The following CCER1 variants were observed in gnomAD, a reference collection of about 807,000 sequenced individuals.
CCER1 encodes the protein coiled-coil domain-containing glutamate-rich protein 1.
For missense variants in CCER1, 573 were observed against 524.5 expected (o/e 1.09, Z -0.90); for synonymous variants, 246 against 213.8 (o/e 1.15, Z -1.31).
rs115959043 is a variant in CCER1 at position 90,953,949 on chromosome 12, G to A, written c.794C>T (p.Pro265Leu). ...CGGGGCAAGAGACTGGTTTTCCTCT[G>A]GGTTGGGACTGAATGCTAGAGAGGG... ...QNPSLAFSPN[P>L]EENQSLAPLL... The change falls in exon 1 of 1, where the codon CCA becomes CTA. Residue 265 changes from proline to leucine, a missense_variant. Physicochemically the swap from Pro to Leu is moderately conservative, Grantham distance 98 (BLOSUM62 -3). Transcript: ENST00000358859. 3.5e-5 allele frequency: 57 copies of A among 1,614,190 alleles called. 1 individual carries two copies. The African/African-American group carries it at 7.5e-4, about 21-fold the overall frequency.
rs1876547000 is a variant in CCER1 at position 90,953,786 on chromosome 12, TTCC to T, written c.954_956del (p.Glu321del). On this transcript the variant is annotated inframe_deletion, in exon 1 of 1. Coordinates refer to ENST00000358859, the MANE Select transcript of CCER1 (RefSeq NM_152638.4). ...CATATTCAGCCTCTTCGACCTCTTC[TTCC>T]TCCTCATCTTCGACCTCTTCCTCCT... The T allele has an allele frequency of 6.7e-7, 1 of 1,499,218 alleles. No individual in the cohort carries two copies. The highest frequency in any genetic ancestry group is 9.2e-7 in the Non-Finnish European group (1 of 1,084,312). 92.9% of individuals were successfully genotyped at this position (1,499,218 alleles called of 1,614,324 possible). A position where few individuals can be genotyped will look rare whatever the true frequency, so the allele number is the denominator to read the frequency against.
Position 90,955,074 on chromosome 12 carries a change from C to G in CCER1, c.-332G>C, listed in dbSNP as rs1172320362. The stretch of plus-strand genomic sequence containing the variant: ...TCCCGGGTCCCCACCACACCCGGCT[C>G]TGCTGAGGCACGGGCTGGGGCCGGG... On this transcript the variant is annotated 5_prime_UTR_variant, in exon 1 of 1. Coordinates refer to ENST00000358859, the MANE Select transcript of CCER1 (RefSeq NM_152638.4). 2.9e-5 allele frequency: 12 copies of G among 408,392 alleles called. No homozygotes were observed. The highest frequency in any genetic ancestry group is 5.5e-5 in the Non-Finnish European group (12 of 218,676). The allele number at this position is 408,392 out of a possible 1,614,324, so 25.3% of individuals were successfully genotyped here. A position where few individuals can be genotyped will look rare whatever the true frequency, so the allele number is the denominator to read the frequency against.
rs772759314 is a variant in CCER1 at position 90,954,466 on chromosome 12, G to T, written c.277C>A (p.Arg93Ser). Residue 93 changes from arginine to serine, a missense_variant, in exon 1 of 1, where the codon CGC becomes AGC. Arg to Ser is a moderately radical substitution (Grantham distance 110, BLOSUM62 -1). Coordinates refer to ENST00000358859, the MANE Select transcript of CCER1 (RefSeq NM_152638.4). ...SNWGCWGGPW[R>S]PPPPGFWKFP... ...TTCCAGAATCCTGGAGGGGGTGGGC[G>T]CCAGGGCCCTCCCCAGCACCCCCAG... is the stretch of plus-strand genomic sequence containing the variant. The T allele has an allele frequency of 8.1e-6, 13 of 1,609,298 alleles. No homozygotes were observed. Among genetic ancestry groups the T allele is most frequent in the Non-Finnish European group, 8.5e-6 (10 of 1,176,836 alleles).
rs766730972 is a variant in CCER1, at chr12:90,954,150, T to A, written c.593A>T (p.Tyr198Phe). 6.2e-7 allele frequency: 1 copy of A among 1,611,462 alleles called. No homozygotes were observed. Among genetic ancestry groups the A allele is most frequent in the Non-Finnish European group, 8.5e-7 (1 of 1,179,946 alleles). Residue 198 changes from tyrosine to phenylalanine, a missense_variant, in exon 1 of 1, where the codon TAC (tyrosine) becomes TTC (phenylalanine). By Grantham distance (22) the Tyr-to-Phe change is conservative. Transcript: ENST00000358859. Reference sequence around the variant, plus strand: ...CTTCTCCTGCTGCCTCATGTCCTCGTAGATCTGGTTCATGATGAATTGGGT... The same window carrying A: ...CTTCTCCTGCTGCCTCATGTCCTCGAAGATCTGGTTCATGATGAATTGGGT... ...NTTQFIMNQI[Y>F]EDMRQQEKVE...
Position 90,954,901 on chromosome 12 carries a change from G to A in CCER1, c.-159C>T. The A allele has an allele frequency of 7.3e-7, 1 of 1,367,082 alleles. No individual in the cohort carries two copies. The highest frequency in any genetic ancestry group is 9.8e-7 in the Non-Finnish European group (1 of 1,024,926). 84.7% of individuals were successfully genotyped at this position (1,367,082 alleles called of 1,614,324 possible). On this transcript the variant is annotated 5_prime_UTR_variant, in exon 1 of 1. Coordinates refer to ENST00000358859, the MANE Select transcript of CCER1 (RefSeq NM_152638.4). The stretch of plus-strand genomic sequence containing the variant: ...ATCACGTTTTCCTCTCCAGGAGGCT[G>A]CTCTCTTCCTGGTTTGCACGCTCTT...
rs553531489 is a variant in CCER1 at position 90,955,110 on chromosome 12, G to T, written c.-368C>A. 1.1e-3 allele frequency: 365 copies of T among 324,028 alleles called. No homozygotes were observed. The highest frequency in any genetic ancestry group is 1.7e-3 in the Non-Finnish European group (286 of 166,368). 20.1% of individuals were successfully genotyped at this position (324,028 alleles called of 1,614,324 possible). Reference sequence around the variant, plus strand: ...CGGGCTGGGGCCGGGGGAGGCAGGGGTTGCGCAGTTACCTGCTGCTCCCTC... The same window carrying T: ...CGGGCTGGGGCCGGGGGAGGCAGGGTTTGCGCAGTTACCTGCTGCTCCCTC... On this transcript the variant is annotated 5_prime_UTR_variant, in exon 1 of 1. Transcript: ENST00000358859.
Position 90,953,421 on chromosome 12 carries a change from TTTA to T in CCER1, c.*98_*100del, listed in dbSNP as rs1876531019. Reference sequence around the variant, plus strand: ...CAAAGAAGGTGTTTACATAGATCTGTTTATTAATGGAACTCACTTTTTAATCAG... The same window carrying T: ...CAAAGAAGGTGTTTACATAGATCTGTTTAATGGAACTCACTTTTTAATCAG... On this transcript the variant is annotated 3_prime_UTR_variant, in exon 1 of 1. Coordinates refer to ENST00000358859, the MANE Select transcript of CCER1 (RefSeq NM_152638.4). 1 of 1,378,504 alleles carries T rather than the reference TTTA, an allele frequency of 7.3e-7. No homozygotes were observed. Among genetic ancestry groups the T allele is most frequent in the South Asian group, 1.5e-5 (1 of 66,598 alleles). 85.4% of individuals were successfully genotyped at this position (1,378,504 alleles called of 1,614,324 possible). A position where few individuals can be genotyped will look rare whatever the true frequency, so the allele number is the denominator to read the frequency against.
In CCER1 at chr12:90,954,433, A is replaced by C; in HGVS notation, c.310T>G (p.Cys104Gly). ...PPPPGFWKFP[C>G]PVQVFRVYGL... The stretch of plus-strand genomic sequence containing the variant: ...TACACCCGAAACACTTGCACCGGGC[A>C]GGGGAATTTCCAGAATCCTGGAGGG... Residue 104 changes from cysteine to glycine, a missense_variant, in exon 1 of 1, where the codon TGC becomes GGC. By Grantham distance (159) the Cys-to-Gly change is radical. Coordinates refer to ENST00000358859, the MANE Select transcript of CCER1 (RefSeq NM_152638.4). The C allele has an allele frequency of 6.2e-7, 1 of 1,611,520 alleles. No homozygotes were observed. Among genetic ancestry groups the C allele is most frequent in the Non-Finnish European group, 8.5e-7 (1 of 1,178,786 alleles).
In CCER1 at chr12:90,954,112, G is replaced by T; in HGVS notation, c.631C>A (p.Gln211Lys). The change falls in exon 1 of 1, where the codon CAG becomes AAG. Residue 211 changes from glutamine (Q) to lysine (K), a missense_variant. Gln to Lys is a moderately conservative substitution (Grantham distance 53, BLOSUM62 1). Transcript: ENST00000358859. ...MRQQEKVERQ[Q>K]EALRAQKATV... is the part of the protein sequence containing the mutation. ...GCCTTCTGCGCCCGCAGCGCCTCCT[G>T]CTGACGCTCCACCTTCTCCTGCTGC... is the stretch of plus-strand genomic sequence containing the variant. 1 of 1,612,726 alleles carries T rather than the reference G, an allele frequency of 6.2e-7. No homozygotes were observed.
rs780872562 is a variant in CCER1 at position 90,952,281 on chromosome 12, A to G, written c.*1241T>C. On this transcript the variant is annotated 3_prime_UTR_variant, in exon 1 of 1. Transcript: ENST00000358859. ...CCTTGAAAATTGTAATATATCAGTA[A>G]CAACCAACATTCAGGTAAGACATCA... is the stretch of plus-strand genomic sequence containing the variant. The G allele has an allele frequency of 6.6e-6, 1 of 152,658 alleles. No homozygotes were observed. Among genetic ancestry groups the G allele is most frequent in the Non-Finnish European group, 1.5e-5 (1 of 68,028 alleles). The allele number at this position is 152,658 out of a possible 1,614,324, so 9.5% of individuals were successfully genotyped here. A position where few individuals can be genotyped will look rare whatever the true frequency, so the allele number is the denominator to read the frequency against.
Position 90,954,352 on chromosome 12 carries a change from G to C in CCER1, c.391C>G (p.Pro131Ala), listed in dbSNP as rs1876579830. 1 of 1,609,360 alleles carries C rather than the reference G, an allele frequency of 6.2e-7. No homozygotes were observed. Among genetic ancestry groups the C allele is most frequent in the South Asian group, 1.1e-5 (1 of 91,066 alleles). Residue 131 changes from proline (P) to alanine (A), a missense_variant, in exon 1 of 1, where the codon CCT becomes GCT. Physicochemically the swap from Pro to Ala is conservative, Grantham distance 27. Coordinates refer to ENST00000358859, the MANE Select transcript of CCER1 (RefSeq NM_152638.4). ...CTGCCTGGGGGCTTCACCCAGCCAG[G>C]GTTCCAGGACCCGCTCCAGCAGGAG... ...CCSCWSGSWN[P>A]GWVKPPGRKK...
Position 90,954,615 on chromosome 12 carries a change from G to T in CCER1, c.128C>A (p.Pro43Gln), listed in dbSNP as rs537131134. The change falls in exon 1 of 1, where the codon CCG (proline) becomes CAG (glutamine). Residue 43 changes from proline to glutamine, a missense_variant. Physicochemically the swap from Pro to Gln is moderately conservative, Grantham distance 76 (BLOSUM62 -1). Transcript: ENST00000358859. ...SSWSSCHRRRPGAPAYNRPHR... is the reference protein window; with the variant it reads ...SSWSSCHRRRQGAPAYNRPHR... ...CGGTCTATTGTACGCTGGAGCACCC[G>T]GGCGCCTTCGATGGCAGGACGACCA... The T allele has an allele frequency of 3.2e-5, 51 of 1,613,378 alleles. No individual in the cohort carries two copies. The East Asian group carries it at 1.0e-3, about 32-fold the overall frequency.
rs1423644977 is a variant in CCER1 at position 90,952,282 on chromosome 12, C to T, written c.*1240G>A. On this transcript the variant is annotated 3_prime_UTR_variant, in exon 1 of 1. Transcript: ENST00000358859. Reference sequence around the variant, plus strand: ...CTTGAAAATTGTAATATATCAGTAACAACCAACATTCAGGTAAGACATCAC... The same window carrying T: ...CTTGAAAATTGTAATATATCAGTAATAACCAACATTCAGGTAAGACATCAC... 1 of 152,578 alleles carries T rather than the reference C, an allele frequency of 6.6e-6. No individual in the cohort carries two copies. Among genetic ancestry groups the T allele is most frequent in the Non-Finnish European group, 1.5e-5 (1 of 68,020 alleles). The allele number at this position is 152,578 out of a possible 1,614,324, so 9.5% of individuals were successfully genotyped here. A position where few individuals can be genotyped will look rare whatever the true frequency, so the allele number is the denominator to read the frequency against.
chr12:90,952,736 C>T lies in CCER1; in HGVS notation c.*786G>A, dbSNP rs12296916. The T allele has an allele frequency of 3.9e-5, 6 of 152,410 alleles. No individual in the cohort carries two copies. The highest frequency in any genetic ancestry group is 7.3e-5 in the African/African-American group (3 of 41,376). 9.4% of individuals were successfully genotyped at this position (152,410 alleles called of 1,614,324 possible). On this transcript the variant is annotated 3_prime_UTR_variant, in exon 1 of 1. Transcript: ENST00000358859. ...TTAGGATAAAGACTATATCCAATAA[C>T]GAGGCTTCAAAACCTAAGCCATGTT...
At position 90,953,743 on chromosome 12, in the gene CCER1, C is replaced by T. The variant is rs1419767233; in HGVS notation, c.1000G>A (p.Glu334Lys). The part of the protein sequence containing the change: ...EAEYVEEGEE[E>K]LEEEELEEEE... ...TCTTCCAGCTCCTCCTCTTCCAGCT[C>T]CTCCTCTCCCTCCTCCACATATTCA... The change falls in exon 1 of 1, where the codon GAG becomes AAG. Residue 334 changes from glutamate (E) to lysine (K), a missense_variant. Glu to Lys is a moderately conservative substitution (Grantham distance 56, BLOSUM62 1). Coordinates refer to ENST00000358859, the MANE Select transcript of CCER1 (RefSeq NM_152638.4). 5 of 1,572,404 alleles carry T rather than the reference C, an allele frequency of 3.2e-6. No individual in the cohort carries two copies. The South Asian group carries it at 5.5e-5, about 17-fold the overall frequency.
In CCER1 at chr12:90,954,776, C is replaced by G; in HGVS notation, c.-34G>C. 2 of 1,512,854 alleles carry G rather than the reference C, an allele frequency of 1.3e-6. No individual in the cohort carries two copies. Among genetic ancestry groups the G allele is most frequent in the Non-Finnish European group, 1.8e-6 (2 of 1,127,180 alleles). 93.7% of individuals were successfully genotyped at this position (1,512,854 alleles called of 1,614,324 possible). A position where few individuals can be genotyped will look rare whatever the true frequency, so the allele number is the denominator to read the frequency against. On this transcript the variant is annotated 5_prime_UTR_variant, in exon 1 of 1. Transcript: ENST00000358859. Reference sequence around the variant, plus strand: ...GAGCTCCGAGAGGTCCAGATGGTAGCGACCTGAAGCTGTCGTCAAGTTTTG... The same window carrying G: ...GAGCTCCGAGAGGTCCAGATGGTAGGGACCTGAAGCTGTCGTCAAGTTTTG...
chr12:90,953,464 C>T lies in CCER1; in HGVS notation c.*58G>A. 1 of 1,525,804 alleles carries T rather than the reference C, an allele frequency of 6.6e-7. No individual in the cohort carries two copies. The highest frequency in any genetic ancestry group is 8.8e-7 in the Non-Finnish European group (1 of 1,141,098). 94.5% of individuals were successfully genotyped at this position (1,525,804 alleles called of 1,614,324 possible). On this transcript the variant is annotated 3_prime_UTR_variant, in exon 1 of 1. Transcript: ENST00000358859. ...TTTTTAATCAGTTTTTAATAAATTG[C>T]TAATCCAGTTTAGCCTCAAATCAGT...
Position 90,954,695 on chromosome 12 carries a change from G to C in CCER1, c.48C>G (p.Gly16=), listed in dbSNP as rs1352335266. 6.4e-7 allele frequency: 1 copy of C among 1,572,038 alleles called. No individual in the cohort carries two copies. The highest frequency in any genetic ancestry group is 8.6e-7 in the Non-Finnish European group (1 of 1,159,212). Reference sequence around the variant, plus strand: ...CACAGCCACAGCCGCCGCCGCCACCGCCGCCCAGGTTCAGAGGGTCTTCCC... The same window carrying C: ...CACAGCCACAGCCGCCGCCGCCACCCCCGCCCAGGTTCAGAGGGTCTTCCC... The part of the protein sequence containing the change: ...DTREDPLNLG[G]GGGGGCGCGW... Residue 16 remains glycine, a synonymous_variant, in exon 1 of 1, where the codon GGC becomes GGG. Transcript: ENST00000358859.
chr12:90,954,533 C>T lies in CCER1; in HGVS notation c.210G>A (p.Gln70=), dbSNP rs138371183. The change falls in exon 1 of 1, where the codon CAG becomes CAA. Residue 70 remains glutamine (Q), a synonymous_variant. Transcript: ENST00000358859. ...GTTGGAACCAAAAGCCCGGGCCGTG[C>T]TGTTGCTTCGGCTGCTTCCTTGGGG... ...YGPPRKQPKQ[Q]HGPGFWFQPP... is the part of the protein sequence containing the mutation. The T allele has an allele frequency of 3.2e-3, 5,111 of 1,613,236 alleles. 13 individuals are homozygous for T. The highest frequency in any genetic ancestry group is 4.0e-3 in the Non-Finnish European group (4,741 of 1,179,344).
Sources: gnomAD v4.1 joint callset for allele counts on GRCh38, gnomAD v4.1.1 for gene constraint, MANE v1.5 for transcripts, NCBI Gene and HGNC (gene_info 2026-07-23, HGNC 2026-07-21) for gene names.